The following NCKAP5L variants were observed in gnomAD, a reference collection of about 807,000 sequenced individuals.
NCKAP5L encodes NCK associated protein 5 like.
NCKAP5L carries 54 observed loss-of-function variants against 103.2 expected under a neutral mutation model. The observed-to-expected ratio is 0.52, with a 90% CI of 0.42 to 0.66. NCKAP5L has a LOEUF of 0.66. NCKAP5L is among the 30% of genes least tolerant of loss of function. NCKAP5L has a pLI of 0.00. For synonymous variants in NCKAP5L, 762 were observed against 748.6 expected (o/e 1.02, Z -0.29); for missense variants, 1,733 against 1,750.6 (o/e 0.99, Z 0.18).
intron 1 of NCKAP5L, among the ~76,000 whole-genome samples, chr12:49,821,537 C>T (rs1368749510): frequency 6.6e-6 from 1 of 152,214 alleles, no homozygotes; most frequent in African/African-American, 2.4e-5. Context: ...ATCTGCAGTC[C>T]TGGCCTGACT....
At position 49,796,529 on chromosome 12, in the gene NCKAP5L, G is replaced by T; in HGVS notation, c.1331C>A (p.Ala444Asp). 6.4e-7 allele frequency: 1 copy of T among 1,572,432 alleles called. No individual in the cohort carries two copies. Among genetic ancestry groups the T allele is most frequent in the Non-Finnish European group, 8.6e-7 (1 of 1,162,438 alleles). Reference sequence around the variant, plus strand: ...TGGAGAGGGCAGAAGGGGTCCCTGAGCTTCCCCAGGAGAAGGGGGGCCAAT... The same window carrying T: ...TGGAGAGGGCAGAAGGGGTCCCTGATCTTCCCCAGGAGAAGGGGGGCCAAT... ...LQIGPPSPGE[A>D]QGPLLPSPAR... is the part of the protein sequence containing the mutation. The change falls in exon 8 of 13, where the codon GCT becomes GAT. Residue 444 changes from alanine (A) to aspartate (D), a missense_variant. Physicochemically the swap from Ala to Asp is moderately radical, Grantham distance 126 (BLOSUM62 -2). Coordinates refer to ENST00000335999, the MANE Select transcript of NCKAP5L (RefSeq NM_001037806.4).
In NCKAP5L at chr12:49,796,409, G is replaced by C. The variant is rs373453924; in HGVS notation, c.1451C>G (p.Ser484Trp). Reference sequence around the variant, plus strand: ...GCCACTGTTCCGACAGGGGATTCGCGAGTTCCGGGGGAGCTGGGGACTGAG... The same window carrying C: ...GCCACTGTTCCGACAGGGGATTCGCCAGTTCCGGGGGAGCTGGGGACTGAG... ...PQLSPQLPRN[S>W]RIPCRNSGSD... Residue 484 changes from serine to tryptophan, a missense_variant, in exon 8 of 13, where the codon TCG (serine) becomes TGG (tryptophan). Transcript: ENST00000335999. 40 of 1,572,760 alleles carry C rather than the reference G, an allele frequency of 2.5e-5. No homozygotes were observed. Among genetic ancestry groups the C allele is most frequent in the East Asian group, 6.8e-5 (3 of 44,364 alleles).
chr12:49,797,705 A>T lies in NCKAP5L; in HGVS notation c.466-311T>A, dbSNP rs1192664416. On this transcript the variant is annotated intron_variant, in intron 7 of 12. Transcript: ENST00000335999. This position sits in a 1 kb window ranked among gnomAD's most constrained non-coding sequence, Gnocchi z 4.5. ...GGATTAGCAGGGCTGACCACCTAAA[A>T]CTCTGACCTCTGTGTTTGTCCCAGG... is the stretch of plus-strand genomic sequence containing the variant. Among the ~76,000 whole-genome samples the T allele has an allele frequency of 6.6e-6, 1 of 151,502 alleles. No homozygotes were observed.
At chr12:49,820,270 C>A (rs899219414) in intron 1 of NCKAP5L, among the ~76,000 whole-genome samples, 2 of 151,630 alleles carry the variant, frequency 1.3e-5, no homozygotes, top group South Asian at 2.1e-4. Flanking sequence ...GGCAGATACC[C>A]TTCCAGCTCC....
chr12:49,803,278 C>T, intron 3 of NCKAP5L, 113 bp from the exon 4 acceptor site: 1 of 951,658 alleles, frequency 1.1e-6, no homozygotes, highest in Non-Finnish European at 1.6e-6. Context: ...TAACTATACC[C>T]CCACTCCAGC....
At chr12:49,827,296 A>C (rs1355857435) in intron 1 of NCKAP5L, among the ~76,000 whole-genome samples, 1 of 151,894 alleles carries the variant, frequency 6.6e-6, no homozygotes, top group African/African-American at 2.4e-5. Flanking sequence ...AGTGGGAGGG[A>C]GGGATTGCCT....
At chr12:49,809,252 C>T (rs552223446) in intron 1 of NCKAP5L, among the ~76,000 whole-genome samples, 67 of 152,140 alleles carry the variant, frequency 4.4e-4, no homozygotes, top group Non-Finnish European at 7.6e-4. Context: ...TTAGCCAGAC[C>T]AGAAGGGGTC....
intron 1 of NCKAP5L, among the ~76,000 whole-genome samples, chr12:49,810,331 A>G (rs1168155520): frequency 6.6e-6 from 1 of 152,220 alleles, no homozygotes; most frequent in Non-Finnish European, 1.5e-5. Flanking sequence ...AGGGTACTGG[A>G]AACAGCCTTA....
intron 1 of NCKAP5L, among the ~76,000 whole-genome samples, chr12:49,826,470 A>C (rs1946417647): frequency 6.6e-6 from 1 of 152,122 alleles, no homozygotes; most frequent in Non-Finnish European, 1.5e-5. Flanking sequence ...AGAATAAGGG[A>C]ATCTGTTCTC....
At chr12:49,814,160 T>A (rs943058881) in intron 1 of NCKAP5L, among the ~76,000 whole-genome samples, 37 of 124,648 alleles carry the variant, frequency 3.0e-4, no homozygotes, top group Non-Finnish European at 4.2e-4. Context: ...TATTTTATAT[T>A]TATATATATA....
At chr12:49,822,911 A>C (rs1435593094) in intron 1 of NCKAP5L, among the ~76,000 whole-genome samples, 1 of 152,214 alleles carries the variant, frequency 6.6e-6, no homozygotes, top group East Asian at 1.9e-4. Flanking sequence ...ATTAGAAGGA[A>C]TCCAACTACT....
chr12:49,795,590 A>G lies in NCKAP5L; in HGVS notation c.2270T>C (p.Met757Thr). The change falls in exon 8 of 13, where the codon ATG becomes ACG. Residue 757 changes from methionine to threonine, a missense_variant. Met to Thr is a moderately conservative substitution (Grantham distance 81). Transcript: ENST00000335999. ...PGARVYSSHS[M>T]GARVDLEPVS... is the part of the protein sequence containing the mutation. ...AGGCTCCAGGTCCACCCGGGCCCCC[A>G]TGGAGTGAGAGGAGTAGACTCGGGC... The G allele has an allele frequency of 1.9e-6, 3 of 1,570,940 alleles. No homozygotes were observed. Among genetic ancestry groups the G allele is most frequent in the South Asian group, 1.2e-5 (1 of 83,602 alleles).
intron 1 of NCKAP5L, among the ~76,000 whole-genome samples, chr12:49,812,238 T>C (rs1213518168): frequency 6.6e-6 from 1 of 152,196 alleles, no homozygotes. Flanking sequence ...TCTGTCTCTA[T>C]TGAGTTCCCT....
chr12:49,801,555 T>C (rs1243441476), intron 6 of NCKAP5L, among the ~76,000 whole-genome samples: 1 of 152,128 alleles, frequency 6.6e-6, no homozygotes, highest in Non-Finnish European at 1.5e-5. Context: ...CAAATAAGCC[T>C]CTTGGAAGCT....
chr12:49,797,240 G>A lies in NCKAP5L; in HGVS notation c.620C>T (p.Ser207Leu). 1 of 1,613,518 alleles carries A rather than the reference G, an allele frequency of 6.2e-7. No individual in the cohort carries two copies. The highest frequency in any genetic ancestry group is 1.1e-5 in the South Asian group (1 of 91,072). ...TGGAGGCCGCCAGGGGGTGGCAGGT[G>A]AGCAGAGAAGCAAGGGGTCAGTCTC... ...LEETDPLLLC[S>L]PATPWRPPGQ... The change falls in exon 8 of 13, where the codon TCA (serine) becomes TTA (leucine). Residue 207 changes from serine (S) to leucine (L), a missense_variant. Transcript: ENST00000335999. The surrounding 1 kb of genome is among the most constrained non-coding windows in gnomAD (Gnocchi z 4.5).
chr12:49,820,832 G>A (rs1249427133), intron 1 of NCKAP5L, among the ~76,000 whole-genome samples: 3 of 152,154 alleles, frequency 2.0e-5, no homozygotes, highest in Admixed American at 1.3e-4. Context: ...TCACAAACAG[G>A]AGTCAGGCTT....
At chr12:49,822,091 C>T (rs1257680573) in intron 1 of NCKAP5L, among the ~76,000 whole-genome samples, 1 of 152,130 alleles carries the variant, frequency 6.6e-6, no homozygotes, top group African/African-American at 2.4e-5. Context: ...GGGATTAGTG[C>T]TCTTATGAAA....
At chr12:49,810,845 A>G (rs1035051100) in intron 1 of NCKAP5L, among the ~76,000 whole-genome samples, 2 of 152,372 alleles carry the variant, frequency 1.3e-5, no homozygotes, top group Non-Finnish European at 2.9e-5. Flanking sequence ...AACTGTAAGT[A>G]TAACATTTAT....
chr12:49,797,554 G>A lies in NCKAP5L; in HGVS notation c.466-160C>T, dbSNP rs934188541. 6.6e-6 allele frequency among the ~76,000 whole-genome samples: 1 copy of A among 152,188 alleles called. No individual in the cohort carries two copies. Among genetic ancestry groups the A allele is most frequent in the African/African-American group, 2.4e-5 (1 of 41,442 alleles). On this transcript the variant is annotated intron_variant, in intron 7 of 12. Coordinates refer to ENST00000335999, the MANE Select transcript of NCKAP5L (RefSeq NM_001037806.4). The surrounding 1 kb of genome is among the most constrained non-coding windows in gnomAD (Gnocchi z 4.5). ...AATTAACAGCAACTGGGATATGATG[G>A]TTCCGCTTCCTCAAGGGTTGCTCAA...
Sources: gnomAD v4.1 joint callset for allele counts (sites outside exome capture counted in the v4.1 genomes callset) on GRCh38, gnomAD v4.1.1 for gene constraint, Gnocchi (gnomAD v3.1) non-coding constraint, MANE v1.5 for transcripts, NCBI Gene and HGNC (gene_info 2026-07-23, HGNC 2026-07-21) for gene names.